The following CPNE8 variants were observed in gnomAD, a reference collection of about 807,000 sequenced individuals.
CPNE8 encodes copine-8.
CPNE8 carries 45 observed loss-of-function variants against 81.5 expected under a neutral mutation model. The observed-to-expected ratio is 0.55, with a 90% CI of 0.44 to 0.71. The LOEUF is 0.71. Ranked by LOEUF, CPNE8 falls within the 30% of genes least tolerant of loss-of-function variation. CPNE8 has a pLI of 0.00. For synonymous variants in CPNE8, 252 were observed against 226.3 expected (o/e 1.11, Z -1.02); for missense variants, 594 against 672.1 (o/e 0.88, Z 1.28).
At chr12:38,703,210 T>C (rs750472780) in intron 13 of CPNE8, among the ~76,000 whole-genome samples, 8 of 152,186 alleles carry the variant, frequency 5.3e-5, no homozygotes, top group African/African-American at 9.7e-5. Context: ...CATAACAAAG[T>C]AGTCAAACTG....
chr12:38,683,157 C>A lies in CPNE8; in HGVS notation c.1271+2333G>T, dbSNP rs559030426. ...GATCAGAGATACATAGATATGAATC[C>A]TAAAAATAAACGTGCTTAAAATTGT... On this transcript the variant is annotated intron_variant, in intron 16 of 19. Coordinates refer to ENST00000331366, the MANE Select transcript of CPNE8 (RefSeq NM_153634.3). Among the ~76,000 whole-genome samples, 13 of 151,900 alleles carry A rather than the reference C, an allele frequency of 8.6e-5. No individual in the cohort carries two copies. The South Asian group carries it at 2.5e-3, about 29-fold the overall frequency.
intron 3 of CPNE8, among the ~76,000 whole-genome samples, chr12:38,864,774 G>A (rs1458794405): frequency 6.6e-6 from 1 of 152,088 alleles, no homozygotes; most frequent in African/African-American, 2.4e-5. Context: ...TATCATCATG[G>A]CCTTCAGAGA....
At chr12:38,685,342 C>T in intron 16 of CPNE8, 148 bp downstream of exon 16, 2 of 713,542 alleles carry the variant, frequency 2.8e-6, no homozygotes, top group Non-Finnish European at 4.4e-6. Context: ...TTGATAGAGA[C>T]TCTTTCTAAC....
At chr12:38,795,697 A>T (rs1037663754) in intron 6 of CPNE8, among the ~76,000 whole-genome samples, 4 of 152,172 alleles carry the variant, frequency 2.6e-5, no homozygotes, top group Admixed American at 2.6e-4. Context: ...GTAGAATGGT[A>T]ATTACCGGCA....
intron 16 of CPNE8, among the ~76,000 whole-genome samples, chr12:38,677,772 T>C (rs1253518548): frequency 1.3e-5 from 2 of 151,798 alleles, no homozygotes; most frequent in Non-Finnish European, 2.9e-5. Context: ...AAATATCTAG[T>C]TGCCTAAAAG....
chr12:38,683,584 A>G (rs1939459227), intron 16 of CPNE8, among the ~76,000 whole-genome samples: 1 of 152,160 alleles, frequency 6.6e-6, no homozygotes, highest in Admixed American at 6.6e-5. Flanking sequence ...TGGGTCAGAC[A>G]GAAATTGTCT....
intron 10 of CPNE8, among the ~76,000 whole-genome samples, chr12:38,745,782 C>A: frequency 6.6e-6 from 1 of 152,164 alleles, no homozygotes; most frequent in East Asian, 1.9e-4. Context: ...TGGGCTCAAG[C>A]AATTCTGCCT....
chr12:38,855,624 T>C (rs148763489), intron 3 of CPNE8, among the ~76,000 whole-genome samples: 85 of 152,180 alleles, frequency 5.6e-4, no homozygotes, highest in Middle Eastern at 6.8e-3. Flanking sequence ...AAATTTCAGT[T>C]AGACAGGAGG....
At chr12:38,742,221 A>G (rs1431826840) in intron 10 of CPNE8, among the ~76,000 whole-genome samples, 1 of 152,170 alleles carries the variant, frequency 6.6e-6, no homozygotes, top group Non-Finnish European at 1.5e-5. Flanking sequence ...AGACACATGC[A>G]CATACATGTA....
intron 19 of CPNE8, among the ~76,000 whole-genome samples, chr12:38,666,234 T>G (rs960475845): frequency 3.9e-5 from 6 of 152,178 alleles, no homozygotes; most frequent in African/African-American, 1.4e-4. Flanking sequence ...GTAATAGATC[T>G]TAATAATTTT....
intron 13 of CPNE8, among the ~76,000 whole-genome samples, chr12:38,717,991 C>T (rs1715607952): frequency 6.6e-6 from 1 of 151,524 alleles, no homozygotes; most frequent in African/African-American, 2.4e-5. Context: ...CAATTTGTTC[C>T]AATTACCTTG....
At chr12:38,895,316 C>T (rs1010048427) in intron 1 of CPNE8, among the ~76,000 whole-genome samples, 2 of 152,032 alleles carry the variant, frequency 1.3e-5, no homozygotes, top group Non-Finnish European at 2.9e-5. Flanking sequence ...TTCCCCAGTG[C>T]TAAGAAAGCA....
chr12:38,684,425 T>C (rs1939486309), intron 16 of CPNE8, among the ~76,000 whole-genome samples: 1 of 152,088 alleles, frequency 6.6e-6, no homozygotes, highest in African/African-American at 2.4e-5. Flanking sequence ...TTAATATATA[T>C]TAATAAAATT....
chr12:38,843,444 G>A (rs1943505509), intron 4 of CPNE8, among the ~76,000 whole-genome samples: 1 of 152,020 alleles, frequency 6.6e-6, no homozygotes, highest in South Asian at 2.1e-4. Flanking sequence ...CTCTCTGTTG[G>A]GGGGCAGTAG....
rs758069116 is a variant in CPNE8, at chr12:38,767,705, A to G, written c.505T>C (p.Leu169=). ...AVLMQFCANK[L]DKKDFFGKSD... Reference sequence around the variant, plus strand: ...TTTCCAAAGAAGTCCTTCTTGTCCAATTTGTTCGCACAAAATTGCATCAAA... The same window carrying G: ...TTTCCAAAGAAGTCCTTCTTGTCCAGTTTGTTCGCACAAAATTGCATCAAA... Residue 169 remains leucine, a synonymous_variant, in exon 8 of 20, where the codon TTG becomes CTG. Transcript: ENST00000331366. 6.4e-7 allele frequency: 1 copy of G among 1,558,262 alleles called. No homozygotes were observed. Among genetic ancestry groups the G allele is most frequent in the Non-Finnish European group, 8.6e-7 (1 of 1,158,394 alleles).
intron 6 of CPNE8, among the ~76,000 whole-genome samples, chr12:38,801,472 C>T (rs1235501272): frequency 2.3e-5 from 1 of 43,050 alleles, no homozygotes; most frequent in African/African-American, 1.1e-4. Context: ...GATTTTGTCA[C>T]CACCAGGCCT....
At chr12:38,672,806 A>G (rs973951926) in intron 18 of CPNE8, among the ~76,000 whole-genome samples, 2 of 152,202 alleles carry the variant, frequency 1.3e-5, no homozygotes, top group Admixed American at 6.6e-5. Context: ...TTAAATTTAA[A>G]TAATCTAATA....
chr12:38,882,677 G>T (rs574887801), intron 1 of CPNE8, among the ~76,000 whole-genome samples: 3 of 151,918 alleles, frequency 2.0e-5, no homozygotes, highest in African/African-American at 7.3e-5. Context: ...CAAATGCCTC[G>T]CTTGCAAAAA....
At chr12:38,809,161 C>T (rs1193508577) in intron 6 of CPNE8, among the ~76,000 whole-genome samples, 1 of 152,146 alleles carries the variant, frequency 6.6e-6, no homozygotes, top group Non-Finnish European at 1.5e-5. Context: ...TGCTATCTCA[C>T]AGTTAGGAAG....
Sources: allele counts gnomAD v4.1 joint callset (sites outside exome capture counted in the v4.1 genomes callset), GRCh38; gene constraint gnomAD v4.1.1; transcripts MANE v1.5; gene names NCBI Gene and HGNC (gene_info 2026-07-23, HGNC 2026-07-21).